The following CAMKMT variants were observed in gnomAD, a reference collection of about 807,000 sequenced individuals.
The protein encoded by CAMKMT is calmodulin-lysine N-methyltransferase.
CAMKMT carries 53 observed loss-of-function variants against 48.0 expected under a neutral mutation model. That is an observed-to-expected ratio of 1.10 (90% CI 0.89 to 1.39). CAMKMT has a LOEUF of 1.39. Ranked by LOEUF, CAMKMT falls within the 40% of genes most tolerant of loss-of-function variation. CAMKMT has a pLI of 0.00. For synonymous variants in CAMKMT, 165 were observed against 152.3 expected, an observed-to-expected ratio of 1.08 and a Z score of -0.61; for missense variants, 428 against 402.7, an observed-to-expected ratio of 1.06 and a Z score of -0.54.
intron 3 of CAMKMT, among the ~76,000 whole-genome samples, chr2:44,535,580 C>T (rs1490127917): frequency 1.3e-5 from 2 of 152,046 alleles, no homozygotes; most frequent in African/African-American, 4.8e-5. Context: ...AAAGATTGCT[C>T]AATATATGCA....
chr2:44,559,356 A>G (rs144114765), intron 3 of CAMKMT, among the ~76,000 whole-genome samples: 172 of 152,178 alleles, frequency 1.1e-3, no homozygotes, highest in African/African-American at 3.9e-3. Flanking sequence ...ACACAGTTAA[A>G]CTGTTGCAGG....
chr2:44,682,058 G>T (rs1304167890), intron 3 of CAMKMT, among the ~76,000 whole-genome samples: 1 of 152,152 alleles, frequency 6.6e-6, no homozygotes, highest in Non-Finnish European at 1.5e-5. Flanking sequence ...AATATTAAAA[G>T]TCCAAAGATG....
chr2:44,716,741 T>G (rs1678194637), intron 7 of CAMKMT, among the ~76,000 whole-genome samples: 1 of 152,210 alleles, frequency 6.6e-6, no homozygotes, highest in Non-Finnish European at 1.5e-5. Context: ...ATTTTCAACC[T>G]GGTCTTTTAG....
chr2:44,698,829 G>A (rs963794621), intron 3 of CAMKMT, among the ~76,000 whole-genome samples: 8 of 152,170 alleles, frequency 5.3e-5, no homozygotes, highest in Admixed American at 1.3e-4. Context: ...AACTTCTTTC[G>A]AAATTGGAGT....
chr2:44,753,024 T>C lies in CAMKMT; in HGVS notation c.699-1031T>C, dbSNP rs373729793. Reference sequence around the variant, plus strand: ...AAGATAATAACTGGTGAAGACAGAGTCAGACTGACCCAAGCAAAGGGGTGA... The same window carrying C: ...AAGATAATAACTGGTGAAGACAGAGCCAGACTGACCCAAGCAAAGGGGTGA... On this transcript the variant is annotated intron_variant, in intron 8 of 10. Transcript: ENST00000378494. Among the ~76,000 whole-genome samples, 17 of 151,826 alleles carry C rather than the reference T, an allele frequency of 1.1e-4. No individual in the cohort carries two copies. In the South Asian group the frequency reaches 3.3e-3, roughly 30 times the overall value.
chr2:44,528,257 A>G (rs531879751), intron 3 of CAMKMT, among the ~76,000 whole-genome samples: 69 of 152,244 alleles, frequency 4.5e-4, no homozygotes, highest in African/African-American at 1.2e-3. Flanking sequence ...CCAGGCAACA[A>G]ATTTTAGAAT....
intron 3 of CAMKMT, among the ~76,000 whole-genome samples, chr2:44,558,545 A>C (rs1192094262): frequency 6.6e-6 from 1 of 152,178 alleles, no homozygotes; most frequent in Non-Finnish European, 1.5e-5. Context: ...TAATTCTCAG[A>C]GGTGGATTGG....
At chr2:44,683,668 A>G (rs1447766748) in intron 3 of CAMKMT, among the ~76,000 whole-genome samples, 1 of 151,828 alleles carries the variant, frequency 6.6e-6, no homozygotes, top group Non-Finnish European at 1.5e-5. Context: ...AAAAAATACA[A>G]AAAAATTAGG....
At chr2:44,623,944 T>C (rs930351894) in intron 3 of CAMKMT, among the ~76,000 whole-genome samples, 1 of 152,230 alleles carries the variant, frequency 6.6e-6, no homozygotes, top group Non-Finnish European at 1.5e-5. Flanking sequence ...TTTTTTGAGA[T>C]TCATTCATGT....
intron 3 of CAMKMT, among the ~76,000 whole-genome samples, chr2:44,655,419 G>A (rs904869773): frequency 6.6e-6 from 1 of 152,156 alleles, no homozygotes; most frequent in African/African-American, 2.4e-5. Flanking sequence ...ACATGAGGCA[G>A]TTTCTTGCTG....
chr2:44,710,252 C>A (rs1328403320), intron 6 of CAMKMT, among the ~76,000 whole-genome samples: 1 of 151,990 alleles, frequency 6.6e-6, no homozygotes, highest in Non-Finnish European at 1.5e-5. Context: ...TTTATTATCT[C>A]CCTAAAATGT....
chr2:44,557,951 T>C (rs933455929), intron 3 of CAMKMT, among the ~76,000 whole-genome samples: 42 of 152,210 alleles, frequency 2.8e-4, no homozygotes, highest in Admixed American at 2.7e-3. Flanking sequence ...AGGACCCTGA[T>C]TGGCATTAAA....
chr2:44,556,113 C>T (rs972820471), intron 3 of CAMKMT, among the ~76,000 whole-genome samples: 3 of 151,858 alleles, frequency 2.0e-5, no homozygotes, highest in Non-Finnish European at 4.4e-5. Context: ...TTAAAAATAC[C>T]TACAATTTTT....
At chr2:44,668,673 A>G (rs1170111003) in intron 3 of CAMKMT, among the ~76,000 whole-genome samples, 1 of 152,130 alleles carries the variant, frequency 6.6e-6, no homozygotes, top group African/African-American at 2.4e-5. Flanking sequence ...GAATATTACC[A>G]ATGTTTTTAA....
chr2:44,468,279 T>C (rs982495339), intron 3 of CAMKMT, among the ~76,000 whole-genome samples: 1 of 152,126 alleles, frequency 6.6e-6, no homozygotes, highest in African/African-American at 2.4e-5. Flanking sequence ...CAGGAAAGTA[T>C]AAATCAAAAC....
At chr2:44,401,622 A>G (rs1363376219) in intron 3 of CAMKMT, among the ~76,000 whole-genome samples, 1 of 152,200 alleles carries the variant, frequency 6.6e-6, no homozygotes, top group Non-Finnish European at 1.5e-5. Flanking sequence ...CCCTGCTAAC[A>G]ATTTTTAGAA....
chr2:44,491,947 T>C (rs1220858179), intron 3 of CAMKMT, among the ~76,000 whole-genome samples: 1 of 152,238 alleles, frequency 6.6e-6, no homozygotes, highest in East Asian at 1.9e-4. Flanking sequence ...GTTCTACTAA[T>C]ATTACTGATT....
At chr2:44,405,239 G>A (rs567398777) in intron 3 of CAMKMT, among the ~76,000 whole-genome samples, 6 of 152,182 alleles carry the variant, frequency 3.9e-5, no homozygotes, top group African/African-American at 1.4e-4. Context: ...GAGCAAGGAT[G>A]TTAAATATAG....
At chr2:44,400,491 A>C (rs184709653) in intron 3 of CAMKMT, among the ~76,000 whole-genome samples, 1 of 152,130 alleles carries the variant, frequency 6.6e-6, no homozygotes, top group Non-Finnish European at 1.5e-5. Flanking sequence ...TGCATATTGT[A>C]TATTTGGAAG....
Sources: allele counts gnomAD v4.1 joint callset (sites outside exome capture counted in the v4.1 genomes callset), GRCh38; gene constraint gnomAD v4.1.1; transcripts MANE v1.5; gene names NCBI Gene and HGNC (gene_info 2026-07-23, HGNC 2026-07-21).